Variants in GRIA4 observed in about 807,000 individuals in gnomAD.
GRIA4 encodes the protein glutamate ionotropic receptor AMPA type subunit 4, also known as glutamate receptor 4.
A neutral mutation model predicts 104.0 loss-of-function variants in GRIA4; 34 were observed. That is an observed-to-expected ratio of 0.33 (90% confidence interval 0.25 to 0.44). The LOEUF (loss-of-function observed/expected upper bound fraction) is 0.44, where lower values mean the gene tolerates loss of function less well. Among genes scored for constraint, GRIA4 ranks in the 20% least tolerant of loss-of-function variants. The probability of loss-of-function intolerance (pLI) is 1.00; values close to 1 mark genes in which losing one functional copy is unlikely to be tolerated. For synonymous variants in GRIA4, 386 were observed against 381.9 expected (o/e 1.01, Z -0.13); for missense variants, 750 against 1,096.5 (o/e 0.68, Z 4.46).
At position 105,960,554 on chromosome 11, in the gene GRIA4, A is replaced by G. The variant is rs1948714321; in HGVS notation, c.2295-11360A>G. Reference sequence around the variant, plus strand: ...GGTGCTGCCCTTCCCCCACCCAGGTAGTTTAGCATGTTAGGCAATTGTGAG... The same window carrying G: ...GGTGCTGCCCTTCCCCCACCCAGGTGGTTTAGCATGTTAGGCAATTGTGAG... On this transcript the variant is annotated intron_variant, in intron 14 of 16. Coordinates refer to ENST00000282499, the MANE Select transcript of GRIA4 (RefSeq NM_000829.4). Among the ~76,000 whole-genome samples the G allele has an allele frequency of 2.0e-5, 3 of 152,172 alleles. No individual in the cohort carries two copies. In the South Asian group the frequency reaches 6.2e-4, roughly 32 times the overall value.
intron 14 of GRIA4, among the ~76,000 whole-genome samples, chr11:105,961,998 A>T (rs1277681202): frequency 6.6e-6 from 1 of 152,342 alleles, no homozygotes; most frequent in East Asian, 1.9e-4. Context: ...GCAGACAATG[A>T]CTAAATCTAA....
intron 3 of GRIA4, among the ~76,000 whole-genome samples, chr11:105,727,608 G>T (rs1222860141): frequency 6.6e-6 from 1 of 152,148 alleles, no homozygotes; most frequent in Non-Finnish European, 1.5e-5. Context: ...AGGAAAAAAT[G>T]TTAAGGGCAG....
chr11:105,924,289 T>C (rs1362807119), intron 11 of GRIA4, 110 bp from the exon 12 acceptor site: 2 of 743,670 alleles, frequency 2.7e-6, no homozygotes, highest in African/African-American at 1.7e-5. Context: ...ACTCCAAAAA[T>C]AAATGTAGAA....
intron 4 of GRIA4, among the ~76,000 whole-genome samples, chr11:105,812,414 TC>T (rs1943211378): frequency 6.6e-6 from 1 of 152,218 alleles, no homozygotes; most frequent in South Asian, 2.1e-4. Context: ...ATCATAGTGG[TC>T]CATGTGAGGG....
intron 3 of GRIA4, among the ~76,000 whole-genome samples, chr11:105,713,190 C>G (rs1953973533): frequency 6.6e-6 from 1 of 152,024 alleles, no homozygotes; most frequent in Admixed American, 6.6e-5. Flanking sequence ...CAAGACCAGC[C>G]TAGCCAACAT....
intron 4 of GRIA4, among the ~76,000 whole-genome samples, chr11:105,762,360 T>A (rs1164571007): frequency 6.6e-6 from 1 of 152,178 alleles, no homozygotes; most frequent in Admixed American, 6.6e-5. Flanking sequence ...AATTGATACA[T>A]TTTTGTTTAG....
intron 3 of GRIA4, among the ~76,000 whole-genome samples, chr11:105,647,127 G>A (rs1261051454): frequency 6.6e-6 from 1 of 152,072 alleles, no homozygotes; most frequent in Non-Finnish European, 1.5e-5. Context: ...CATTAAAAAT[G>A]GGCAAATGAC....
chr11:105,940,817 C>T (rs1169564007), intron 14 of GRIA4, among the ~76,000 whole-genome samples: 1 of 101,528 alleles, frequency 9.8e-6, no homozygotes, highest in Non-Finnish European at 2.1e-5. Context: ...TTACGATTCA[C>T]ATTTAATTTA....
At chr11:105,795,735 T>C (rs1187685825) in intron 4 of GRIA4, among the ~76,000 whole-genome samples, 3 of 152,112 alleles carry the variant, frequency 2.0e-5, no homozygotes, top group African/African-American at 7.2e-5. Flanking sequence ...TCATTCTTTT[T>C]AGAAAAATAG....
intron 4 of GRIA4, among the ~76,000 whole-genome samples, chr11:105,765,775 A>G (rs978084934): frequency 2.0e-5 from 3 of 152,256 alleles, no homozygotes; most frequent in Admixed American, 2.0e-4. Context: ...AGCAGTACTG[A>G]GCAGTTGCAA....
At chr11:105,837,489 T>C (rs1004976526) in intron 4 of GRIA4, among the ~76,000 whole-genome samples, 5 of 152,104 alleles carry the variant, frequency 3.3e-5, no homozygotes, top group African/African-American at 4.8e-5. Flanking sequence ...ATTTAAGTGT[T>C]CCATGGTGCT....
chr11:105,781,504 T>C (rs1941725734), intron 4 of GRIA4, among the ~76,000 whole-genome samples: 1 of 152,178 alleles, frequency 6.6e-6, no homozygotes, highest in Admixed American at 6.6e-5. Context: ...GCATACCTAT[T>C]TCCTTTTTAT....
intron 4 of GRIA4, among the ~76,000 whole-genome samples, chr11:105,829,251 A>C (rs1014699059): frequency 2.6e-5 from 4 of 151,998 alleles, no homozygotes; most frequent in Admixed American, 6.6e-5. Flanking sequence ...GATATGTCTA[A>C]AATGAGGAAC....
intron 3 of GRIA4, among the ~76,000 whole-genome samples, chr11:105,675,380 A>G (rs28546918): frequency 9.2e-5 from 14 of 151,922 alleles, no homozygotes; most frequent in African/African-American, 2.9e-4. Flanking sequence ...GTTTATTGAC[A>G]TGGTAAACAA....
intron 3 of GRIA4, among the ~76,000 whole-genome samples, chr11:105,637,064 A>G (rs1402373986): frequency 3.3e-5 from 5 of 152,210 alleles, no homozygotes; most frequent in Admixed American, 2.6e-4. Context: ...TAGAACGTTT[A>G]TAAGATTAAA....
At chr11:105,684,733 G>C (rs527466849) in intron 3 of GRIA4, among the ~76,000 whole-genome samples, 83 of 150,958 alleles carry the variant, frequency 5.5e-4, no homozygotes, top group African/African-American at 2.0e-3. Flanking sequence ...TCTAAAGATA[G>C]GCACTTTGGA....
At chr11:105,960,552 G>C (rs1222641641) in intron 14 of GRIA4, among the ~76,000 whole-genome samples, 1 of 152,218 alleles carries the variant, frequency 6.6e-6, no homozygotes, top group Non-Finnish European at 1.5e-5. Context: ...CCCCACCCAG[G>C]TAGTTTAGCA....
intron 3 of GRIA4, among the ~76,000 whole-genome samples, chr11:105,629,889 T>G (rs1950987356): frequency 6.6e-6 from 1 of 152,226 alleles, no homozygotes; most frequent in African/African-American, 2.4e-5. Flanking sequence ...GAACTAAAAT[T>G]ATCATCATTA....
chr11:105,711,359 G>T (rs1035219212), intron 3 of GRIA4, among the ~76,000 whole-genome samples: 1 of 151,568 alleles, frequency 6.6e-6, no homozygotes, highest in African/African-American at 2.4e-5. Flanking sequence ...ACACCAACAT[G>T]GCACATGTAT....
Sources: gnomAD v4.1 joint callset for allele counts (sites outside exome capture counted in the v4.1 genomes callset) on GRCh38, gnomAD v4.1.1 for gene constraint, MANE v1.5 for transcripts, NCBI Gene and HGNC (gene_info 2026-07-23, HGNC 2026-07-21) for gene names.